The following TRPM8 variants were observed in gnomAD, a reference collection of about 807,000 sequenced individuals.
The protein encoded by TRPM8 is TRPM8 cationic channel.
A neutral mutation model predicts 133.7 loss-of-function variants in TRPM8; 110 were observed. The observed-to-expected ratio is 0.82, with a 90% confidence interval of 0.70 to 0.96. TRPM8 has a LOEUF of 0.96. Among genes scored for constraint, TRPM8 ranks in the 40% least tolerant of loss-of-function variants. TRPM8 has a pLI of 0.00. For missense variants in TRPM8, 1,291 were observed against 1,379.5 expected (o/e 0.94, Z 1.02); for synonymous variants, 535 against 532.3 (o/e 1.01, Z -0.07).
In TRPM8 at chr2:233,937,499, A is replaced by G. The variant is rs1476285472; in HGVS notation, c.338A>G (p.Lys113Arg). ...GATATTCAGTTTGAGACACTGGGGA[A>G]GAAAGGGAAGGTAAGCAATGGTTTT... Reference protein sequence around the residue: ...FGDIQFETLGKKGKYIRLSCD... With the variant: ...FGDIQFETLGRKGKYIRLSCD... The change falls in exon 4 of 26, where the codon AAG (lysine) becomes AGG (arginine). Residue 113 changes from lysine (K) to arginine (R), a missense_variant. Transcript: ENST00000324695. 6.2e-7 allele frequency: 1 copy of G among 1,613,164 alleles called. No homozygotes were observed. The highest frequency in any genetic ancestry group is 8.5e-7 in the Non-Finnish European group (1 of 1,179,624).
At chr2:233,956,172 A>T (rs1266515038) in intron 11 of TRPM8, among the ~76,000 whole-genome samples, 1 of 152,188 alleles carries the variant, frequency 6.6e-6, no homozygotes, top group Non-Finnish European at 1.5e-5. Context: ...TCCCAAGACC[A>T]TCCCCCCAGC....
intron 17 of TRPM8, chr2:233,970,655 A>C (rs989902416): frequency 5.4e-6 from 3 of 557,940 alleles, no homozygotes; most frequent in Non-Finnish European, 6.4e-6. Flanking sequence ...ATGAATGTTA[A>C]TTGATGGAGA....
chr2:233,980,036 C>T (rs756506587), intron 17 of TRPM8, 152 bp from the exon 18 acceptor site: 30 of 640,184 alleles, frequency 4.7e-5, no homozygotes, highest in South Asian at 2.1e-4. Context: ...GCGTGGGGCA[C>T]GTGGTAGGGC....
rs1691426302 is a variant in TRPM8, at chr2:233,961,075, T to A, written c.1653+9T>A. On this transcript the variant is annotated intron_variant, in intron 12 of 25. Transcript: ENST00000324695. ...TGGACATAGAACTCCACGTAGGTAC[T>A]GGGAGAGTTGCCTGCTTGAGTTCTC... The A allele has an allele frequency of 6.2e-7, 1 of 1,608,948 alleles. No individual in the cohort carries two copies. The highest frequency in any genetic ancestry group is 1.3e-5 in the African/African-American group (1 of 74,728).
intron 24 of TRPM8, among the ~76,000 whole-genome samples, chr2:234,010,771 T>C (rs764135521): frequency 6.6e-6 from 1 of 152,198 alleles, no homozygotes; most frequent in Non-Finnish European, 1.5e-5. Context: ...GACATTTGAA[T>C]TTTTTCTTTT....
At chr2:233,950,362 G>A (rs539269097) in intron 9 of TRPM8, among the ~76,000 whole-genome samples, 1 of 152,270 alleles carries the variant, frequency 6.6e-6, no homozygotes, top group South Asian at 2.1e-4. Context: ...GCATTTTTCA[G>A]AGTTTACTAA....
At position 233,942,759 on chromosome 2, in the gene TRPM8, G is replaced by A. The variant is rs751541936; in HGVS notation, c.699+11G>A. On this transcript the variant is annotated intron_variant, in intron 6 of 25. Transcript: ENST00000324695. ...AATTGCGATGCTGAGGTACCGGTGG[G>A]ACAGGAGGAGGTCTGCTAGGTCACA... is the stretch of plus-strand genomic sequence containing the variant. The A allele has an allele frequency of 3.7e-6, 6 of 1,613,716 alleles. No homozygotes were observed. Among genetic ancestry groups the A allele is most frequent in the Non-Finnish European group, 5.1e-6 (6 of 1,180,046 alleles).
intron 15 of TRPM8, among the ~76,000 whole-genome samples, chr2:233,967,429 A>G (rs1452368664): frequency 6.6e-6 from 1 of 152,228 alleles, no homozygotes; most frequent in Non-Finnish European, 1.5e-5. Context: ...CTTGTCAGCC[A>G]CAGCTGCTAT....
At chr2:233,973,845 G>T (rs1192893631) in intron 17 of TRPM8, among the ~76,000 whole-genome samples, 1 of 152,222 alleles carries the variant, frequency 6.6e-6, no homozygotes, top group African/African-American at 2.4e-5. Context: ...CCAGACCAGA[G>T]TGAGGAAGTG....
chr2:234,001,978 C>G (rs574850129), intron 22 of TRPM8, among the ~76,000 whole-genome samples: 19 of 152,228 alleles, frequency 1.2e-4, no homozygotes, highest in African/African-American at 3.9e-4. Flanking sequence ...CAGGGCTCAT[C>G]ATCTGGGGGA....
intron 12 of TRPM8, among the ~76,000 whole-genome samples, chr2:233,962,353 G>A (rs1163997791): frequency 6.6e-6 from 1 of 152,174 alleles, no homozygotes; most frequent in Non-Finnish European, 1.5e-5. Context: ...GGCTCCTAGA[G>A]TTGGCTAGTG....
At chr2:233,943,124 T>C in intron 6 of TRPM8, 1 of 362,436 alleles carries the variant, frequency 2.8e-6, no homozygotes, top group African/African-American at 2.1e-5. Context: ...TTTTTTATTA[T>C]TATACTTTAA....
intron 21 of TRPM8, among the ~76,000 whole-genome samples, chr2:233,993,748 G>T (rs1306997965): frequency 6.6e-6 from 1 of 152,152 alleles, no homozygotes; most frequent in Non-Finnish European, 1.5e-5. Context: ...GAGGAAGATG[G>T]GGGGCCCACT....
Position 233,985,789 on chromosome 2 carries a change from A to C in TRPM8, c.2863A>C (p.Ile955Leu). The change falls in exon 21 of 26, where the codon ATC becomes CTC. Residue 955 changes from isoleucine to leucine, a missense_variant. Ile to Leu is a conservative substitution (Grantham distance 5). Around this residue, in one of 2 missense-constraint regions of TRPM8, gnomAD observed 328 missense variants for 410.6 expected, o/e 0.80. Transcript: ENST00000324695. ...CAACCTGCCCCGGTTCCCCGAGTGG[A>C]TCACCATCCCCCTGGTGTGCATCTA... ...EHNLPRFPEW[I>L]TIPLVCIYML... 1 of 1,614,170 alleles carries C rather than the reference A, an allele frequency of 6.2e-7. No individual in the cohort carries two copies. Among genetic ancestry groups the C allele is most frequent in the Non-Finnish European group, 8.5e-7 (1 of 1,180,028 alleles).
chr2:233,924,394 G>C (rs967242267), intron 1 of TRPM8, among the ~76,000 whole-genome samples: 2 of 152,118 alleles, frequency 1.3e-5, no homozygotes, highest in African/African-American at 4.8e-5. Flanking sequence ...TCACTCTCCA[G>C]GGACCCAGCT....
Position 234,014,610 on chromosome 2 carries a change from TA to T in TRPM8, c.*2del. The T allele has an allele frequency of 6.5e-7, 1 of 1,527,720 alleles. No homozygotes were observed. Among genetic ancestry groups the T allele is most frequent in the Middle Eastern group, 1.9e-4 (1 of 5,354 alleles). 94.6% of individuals were successfully genotyped at this position (1,527,720 alleles called of 1,614,324 possible). A position where few individuals can be genotyped will look rare whatever the true frequency, so the allele number is the denominator to read the frequency against. Reference sequence around the variant, plus strand: ...GAAAGAGATTGCTAATAAAATCAAATAAAACTGTATGAACTCTAATGGAGAA... The same window carrying T: ...GAAAGAGATTGCTAATAAAATCAAATAAACTGTATGAACTCTAATGGAGAA... ...LLKEIANKIK[*>X] On this transcript the variant is annotated frameshift_variant and stop_lost, in exon 25 of 26. Transcript: ENST00000324695. LOFTEE classifies it high-confidence loss of function.
chr2:233,957,621 A>G (rs903983610), intron 11 of TRPM8, among the ~76,000 whole-genome samples: 6 of 152,334 alleles, frequency 3.9e-5, no homozygotes, highest in East Asian at 1.9e-4. Context: ...TAATCAAAAG[A>G]TATCATTTTT....
rs978326326 is a variant in TRPM8 at position 233,937,550 on chromosome 2, C to G, written c.348+41C>G. ...CTACTTTGGCAGCTAATTCATAGGC[C>G]AAAGTGACCTGGGCTACCTTGATTT... On this transcript the variant is annotated intron_variant, in intron 4 of 25. Coordinates refer to ENST00000324695, the MANE Select transcript of TRPM8 (RefSeq NM_024080.5). 4 of 1,589,240 alleles carry G rather than the reference C, an allele frequency of 2.5e-6. No homozygotes were observed. In the African/African-American group the frequency reaches 5.4e-5, roughly 21 times the overall value.
rs1440475064 is a variant in TRPM8, at chr2:233,970,104, T to C, written c.2139-106T>C. 25 of 1,070,554 alleles carry C rather than the reference T, an allele frequency of 2.3e-5. No individual in the cohort carries two copies. In the East Asian group the frequency reaches 5.2e-4, roughly 22 times the overall value. 66.3% of individuals were successfully genotyped at this position (1,070,554 alleles called of 1,614,324 possible). On this transcript the variant is annotated intron_variant, in intron 16 of 25. Coordinates refer to ENST00000324695, the MANE Select transcript of TRPM8 (RefSeq NM_024080.5). ...AGGACACGGTTTTGCTCCCGTCTCT[T>C]CCTCCTGGCTATGGGTCTGTATTTA...
Sources: allele counts gnomAD v4.1 joint callset (sites outside exome capture counted in the v4.1 genomes callset), GRCh38; gene constraint gnomAD v4.1.1; regional missense constraint gnomAD v4.1.1; transcripts MANE v1.5; gene names NCBI Gene and HGNC (gene_info 2026-07-23, HGNC 2026-07-21).